The following DAB1 variants were observed in gnomAD, a reference collection of about 807,000 sequenced individuals.
DAB1 encodes the protein disabled homolog 1.
In DAB1, 15 loss-of-function variants were observed where a neutral mutation model predicts 64.6. The observed-to-expected ratio is 0.23, with a 90% confidence interval of 0.16 to 0.36. DAB1 has a LOEUF of 0.36. Among genes scored for constraint, DAB1 ranks in the 10% least tolerant of loss-of-function variants. The pLI is 1.00. For synonymous variants in DAB1, 235 were observed against 251.9 expected (o/e 0.93, Z 0.64); for missense variants, 596 against 706.7 (o/e 0.84, Z 1.78).
intron 1 of DAB1, among the ~76,000 whole-genome samples, chr1:57,830,732 G>A (rs573881426): frequency 9.2e-5 from 14 of 152,094 alleles, no homozygotes; most frequent in East Asian, 3.9e-4. Flanking sequence ...TGATAAGACC[G>A]ATTTACTATA....
chr1:57,695,409 AAAG>A (rs1227991512), intron 6 of DAB1, among the ~76,000 whole-genome samples: 2 of 136,838 alleles, frequency 1.5e-5, no homozygotes, highest in Non-Finnish European at 3.2e-5. Flanking sequence ...AGAAAGAAAG[AAAG>A]AAAGAAAGAA....
intron 6 of DAB1, among the ~76,000 whole-genome samples, chr1:57,685,084 C>A (rs905123670): frequency 6.6e-6 from 1 of 151,720 alleles, no homozygotes; most frequent in African/African-American, 2.4e-5. Context: ...TTCTGAGTAG[C>A]TGGGACTACA....
chr1:58,411,490 A>G (rs1644667937), intron 3 of DAB1, among the ~76,000 whole-genome samples: 1 of 152,178 alleles, frequency 6.6e-6, no homozygotes, highest in Non-Finnish European at 1.5e-5. Flanking sequence ...ATGCTGTGGG[A>G]GCCTCTAATC....
chr1:58,082,444 A>C (rs1173735770), intron 5 of DAB1, among the ~76,000 whole-genome samples: 1 of 152,152 alleles, frequency 6.6e-6, no homozygotes, highest in Non-Finnish European at 1.5e-5. Context: ...AGACAAAAAT[A>C]AACAAAATTT....
At chr1:58,478,688 A>G (rs929780795) in intron 3 of DAB1, among the ~76,000 whole-genome samples, 5 of 152,240 alleles carry the variant, frequency 3.3e-5, no homozygotes, top group Non-Finnish European at 7.3e-5. Flanking sequence ...GCAAAGCATT[A>G]TAAGTATATA....
At chr1:57,615,468 G>A (rs1319032389) in intron 7 of DAB1, among the ~76,000 whole-genome samples, 3 of 152,204 alleles carry the variant, frequency 2.0e-5, no homozygotes, top group African/African-American at 4.8e-5. Flanking sequence ...ACTTCACAGA[G>A]TAGCACTGCC....
At chr1:57,243,515 G>T (rs1467318100) in intron 2 of DAB1, among the ~76,000 whole-genome samples, 2 of 152,064 alleles carry the variant, frequency 1.3e-5, no homozygotes, top group Non-Finnish European at 2.9e-5. Flanking sequence ...GGAATGAGGA[G>T]GGGAGAGTCA....
intron 4 of DAB1, among the ~76,000 whole-genome samples, chr1:58,338,206 G>A (rs1378904576): frequency 6.6e-6 from 1 of 152,148 alleles, no homozygotes; most frequent in East Asian, 1.9e-4. Flanking sequence ...TGGGGGCAGA[G>A]AGGACTTTTC....
At chr1:57,790,989 G>GT (rs1301873237) in intron 6 of DAB1, among the ~76,000 whole-genome samples, 1 of 152,134 alleles carries the variant, frequency 6.6e-6, no homozygotes, top group African/African-American at 2.4e-5. Flanking sequence ...ATTGTAAAGG[G>GT]AAATATGACA....
chr1:58,196,088 G>A (rs1657661721), intron 4 of DAB1, among the ~76,000 whole-genome samples: 1 of 152,158 alleles, frequency 6.6e-6, no homozygotes, highest in East Asian at 1.9e-4. Flanking sequence ...CTAGGGTCAG[G>A]GAGTATTGTA....
At chr1:57,285,449 T>A (rs1485751980) in intron 2 of DAB1, among the ~76,000 whole-genome samples, 1 of 152,082 alleles carries the variant, frequency 6.6e-6, no homozygotes, top group Admixed American at 6.6e-5. Flanking sequence ...ATTTTTGTAT[T>A]TTTAGTAGAG....
chr1:58,535,549 T>C (rs916988357), intron 1 of DAB1, among the ~76,000 whole-genome samples: 2 of 138,760 alleles, frequency 1.4e-5, no homozygotes, highest in Non-Finnish European at 3.0e-5. Flanking sequence ...TGAGCCAAGA[T>C]GGCACCACTG....
chr1:57,026,197 T>C, intron 9 of DAB1, among the ~76,000 whole-genome samples, 154 bp from the exon 10 acceptor site: 1 of 152,180 alleles, frequency 6.6e-6, no homozygotes, highest in East Asian at 1.9e-4. Context: ...TACCTCAGGA[T>C]CCCAAAGGCA....
intron 2 of DAB1, among the ~76,000 whole-genome samples, chr1:57,189,226 C>T (rs1343184200): frequency 6.6e-6 from 1 of 152,182 alleles, no homozygotes; most frequent in African/African-American, 2.4e-5. Flanking sequence ...GGTTTCACCA[C>T]AAGATATAAT....
At chr1:58,451,532 G>A (rs975146951) in intron 3 of DAB1, among the ~76,000 whole-genome samples, 3 of 152,218 alleles carry the variant, frequency 2.0e-5, no homozygotes, top group Non-Finnish European at 2.9e-5. Flanking sequence ...TAATTTCTTA[G>A]TGTTGACAAC....
chr1:57,096,039 C>T (rs1654131231), intron 4 of DAB1, among the ~76,000 whole-genome samples: 1 of 152,194 alleles, frequency 6.6e-6, no homozygotes, highest in South Asian at 2.1e-4. Context: ...TTGCCAATCA[C>T]CATGCTAAGA....
intron 3 of DAB1, among the ~76,000 whole-genome samples, chr1:58,447,209 G>C (rs1645077460): frequency 6.6e-6 from 1 of 152,178 alleles, no homozygotes; most frequent in South Asian, 2.1e-4. Flanking sequence ...TTGCTTGACT[G>C]TCATGAATGC....
chr1:57,090,603 T>C (rs1653563507), intron 4 of DAB1, among the ~76,000 whole-genome samples: 1 of 152,176 alleles, frequency 6.6e-6, no homozygotes, highest in Admixed American at 6.5e-5. Flanking sequence ...TTCAAACAAG[T>C]GAGGTTGCAG....
At chr1:57,107,590 G>T (rs997399106) in intron 4 of DAB1, among the ~76,000 whole-genome samples, 1 of 151,872 alleles carries the variant, frequency 6.6e-6, no homozygotes, top group Non-Finnish European at 1.5e-5. Flanking sequence ...GTGGAAAAAA[G>T]CTTGGATCAG....
Sources: allele counts gnomAD v4.1 joint callset (sites outside exome capture counted in the v4.1 genomes callset), GRCh38; gene constraint gnomAD v4.1.1; transcripts MANE v1.5; gene names NCBI Gene and HGNC (gene_info 2026-07-23, HGNC 2026-07-21).